The following USP54 variants were observed in gnomAD, a reference collection of about 807,000 sequenced individuals.
USP54 encodes ubiquitin carboxyl-terminal hydrolase 54.
A neutral mutation model predicts 170.5 loss-of-function variants in USP54; 87 were observed. That is an observed-to-expected ratio of 0.51 (90% CI 0.43 to 0.61). The LOEUF (loss-of-function observed/expected upper bound fraction) is 0.61. Ranked by LOEUF, USP54 falls within the 20% of genes least tolerant of loss-of-function variation. USP54 has a pLI of 0.00. For synonymous variants in USP54, 655 were observed against 742.8 expected, an observed-to-expected ratio of 0.88 and a Z score of 1.92; for missense variants, 1,786 against 2,047.8, an observed-to-expected ratio of 0.87 and a Z score of 2.47.
chr10:73,530,718 C>A lies in USP54; in HGVS notation c.1433G>T (p.Gly478Val). 6.2e-7 allele frequency: 1 copy of A among 1,614,152 alleles called. No individual in the cohort carries two copies. ...RRKGDEPQAS[G>V]YHSEGETLKE... ...GAAGGGCTTGCCTTCACTGTGGTAT[C>A]CCGAGGCCTGGGGCTCATCGCCTTT... Residue 478 changes from glycine (G) to valine (V), a missense_variant, in exon 13 of 24, where the codon GGA becomes GTA. By Grantham distance (109) the Gly-to-Val change is moderately radical. This residue lies in a region of USP54 where 1,418 missense variants were observed against 1,569.0 expected (regional missense o/e 0.90). Coordinates refer to ENST00000687698, the MANE Select transcript of USP54 (RefSeq NM_001391956.1).
chr10:73,517,888 G>C, intron 19 of USP54, 141 bp from the exon 20 acceptor site: 1 of 1,134,190 alleles, frequency 8.8e-7, no homozygotes, highest in Admixed American at 2.8e-5. Context: ...CACAAGTAGA[G>C]TCAGTAGTTC....
At chr10:73,567,330 T>C (rs528989454) in intron 4 of USP54, among the ~76,000 whole-genome samples, 4 of 152,246 alleles carry the variant, frequency 2.6e-5, no homozygotes, top group African/African-American at 7.2e-5. Flanking sequence ...TTTGTTGCTA[T>C]TATAAAATGC....
At chr10:73,560,779 G>A (rs2072741076) in intron 4 of USP54, among the ~76,000 whole-genome samples, 1 of 150,606 alleles carries the variant, frequency 6.6e-6, no homozygotes, top group Admixed American at 6.6e-5. Flanking sequence ...AAAAATGGAA[G>A]GCAACTACCA....
intron 1 of USP54, among the ~76,000 whole-genome samples, chr10:73,583,942 C>T (rs577761720): frequency 7.0e-4 from 107 of 151,926 alleles, no homozygotes; most frequent in African/African-American, 6.5e-4. Context: ...ACTATTTTTC[C>T]AACTTTTCTA....
At chr10:73,606,175 CAAAAAAAAA>C (rs1178699732) in intron 1 of USP54, among the ~76,000 whole-genome samples, 36 of 25,620 alleles carry the variant, frequency 1.4e-3, no homozygotes, top group East Asian at 9.8e-3. Context: ...GAGGCTGTCT[CAAAAAAAAA>C]AAAAAAAAAA....
At chr10:73,539,679 A>T in intron 9 of USP54, 86 bp from the exon 10 acceptor site, 1 of 1,411,184 alleles carries the variant, frequency 7.1e-7, no homozygotes, top group South Asian at 1.6e-5. Flanking sequence ...AGCATTTCTT[A>T]AGTAAGGTAC....
intron 12 of USP54, among the ~76,000 whole-genome samples, chr10:73,531,389 C>A (rs1214850952): frequency 6.6e-6 from 1 of 152,104 alleles, no homozygotes; most frequent in Non-Finnish European, 1.5e-5. Flanking sequence ...TAATCTTCCC[C>A]AGTGACCCAG....
At chr10:73,542,763 G>C in intron 7 of USP54, 40 bp downstream of exon 7, 1 of 1,574,152 alleles carries the variant, frequency 6.4e-7, no homozygotes, top group Non-Finnish European at 8.6e-7. Flanking sequence ...TCAACTGGAG[G>C]AATGCCTAAA....
At position 73,519,856 on chromosome 10, in the gene USP54, C is replaced by T. The variant is rs554921572; in HGVS notation, c.2619G>A (p.Gln873=). The T allele has an allele frequency of 6.2e-7, 1 of 1,614,126 alleles. No individual in the cohort carries two copies. Among genetic ancestry groups the T allele is most frequent in the South Asian group, 1.1e-5 (1 of 91,080 alleles). ...DRMQQQQSPQ[Q]PSQPSACLPT... is the part of the protein sequence containing the mutation. ...GGAGGCAGGCTGAGGGCTGCGACGG[C>T]TGCTGTGGTGATTGCTGCTGCTGCA... is the stretch of plus-strand genomic sequence containing the variant. Residue 873 remains glutamine, a synonymous_variant, in exon 19 of 24, where the codon CAG becomes CAA. Coordinates refer to ENST00000687698, the MANE Select transcript of USP54 (RefSeq NM_001391956.1).
chr10:73,612,193 A>G (rs2080204199), intron 1 of USP54, among the ~76,000 whole-genome samples: 2 of 152,352 alleles, frequency 1.3e-5, no homozygotes, highest in South Asian at 4.1e-4. Flanking sequence ...ATTTACATAT[A>G]CTATTGAGGA....
upstream of USP54, among the ~76,000 whole-genome samples, chr10:73,595,939 C>T (rs116771897): frequency 0.015 from 2,271 of 150,012 alleles, 65 homozygotes; most frequent in African/African-American, 0.053. Flanking sequence ...GTGAAAAACC[C>T]GTCTTGACTA....
intron 4 of USP54, among the ~76,000 whole-genome samples, chr10:73,558,964 T>G (rs960144374): frequency 6.6e-6 from 1 of 152,190 alleles, no homozygotes; most frequent in Non-Finnish European, 1.5e-5. Context: ...CATGGTTTGT[T>G]TTTTCAAATT....
chr10:73,581,885 G>A (rs1178404882), intron 1 of USP54, among the ~76,000 whole-genome samples: 5 of 152,174 alleles, frequency 3.3e-5, no homozygotes, highest in African/African-American at 1.2e-4. Context: ...GATTAAGGTT[G>A]CCAGAATTAA....
chr10:73,569,292 A>G (rs1296984442), intron 4 of USP54, among the ~76,000 whole-genome samples: 1 of 152,100 alleles, frequency 6.6e-6, no homozygotes, highest in East Asian at 1.9e-4. Context: ...GGACTACTGT[A>G]TTTCTTGTTT....
At chr10:73,564,128 A>G (rs1302562440) in intron 4 of USP54, among the ~76,000 whole-genome samples, 1 of 152,018 alleles carries the variant, frequency 6.6e-6, no homozygotes, top group Non-Finnish European at 1.5e-5. Flanking sequence ...CAGCCTCCCA[A>G]GTAGCTGGGC....
chr10:73,594,395 T>G (rs558134279), upstream of USP54, among the ~76,000 whole-genome samples: 1 of 150,894 alleles, frequency 6.6e-6, no homozygotes, highest in Non-Finnish European at 1.5e-5. Context: ...GATTTTAGAA[T>G]GTAGTGACAA....
rs4619071 is a variant in USP54, at chr10:73,516,735, C to T, written c.3691G>A (p.Asp1231Asn). Reference sequence around the variant, plus strand: ...TGGGACAGCTTCTCTTGGTATATGTCTGGCTCTGCCAACCTGGGCTGTCCT... The same window carrying T: ...TGGGACAGCTTCTCTTGGTATATGTTTGGCTCTGCCAACCTGGGCTGTCCT... Reference protein sequence around the residue: ...SGGQPRLAEPDIYQEKLSQVR... With the variant: ...SGGQPRLAEPNIYQEKLSQVR... Residue 1231 changes from aspartate (D) to asparagine (N), a missense_variant, in exon 20 of 24, where the codon GAC becomes AAC. Around this residue, in one of 3 missense-constraint regions of USP54, gnomAD observed 1,418 missense variants for 1,569.0 expected, o/e 0.90. Transcript: ENST00000687698. 1,032 of 1,614,200 alleles carry T rather than the reference C, an allele frequency of 6.4e-4. 9 individuals carry two copies. In the African/African-American group the frequency reaches 0.012, roughly 19 times the overall value.
chr10:73,558,048 G>T (rs1463778243), intron 4 of USP54, among the ~76,000 whole-genome samples: 6 of 150,866 alleles, frequency 4.0e-5, no homozygotes, highest in African/African-American at 1.5e-4. Flanking sequence ...ACACCCAGTT[G>T]ATTTTTGTAT....
At chr10:73,513,208 A>G (rs2060491755) in intron 20 of USP54, 1 of 152,322 alleles carries the variant, frequency 6.6e-6, no homozygotes, top group South Asian at 2.1e-4. Flanking sequence ...CTCACTTTAT[A>G]GTCCCAGCAC....
Sources: allele counts gnomAD v4.1 joint callset (sites outside exome capture counted in the v4.1 genomes callset), GRCh38; gene constraint gnomAD v4.1.1; regional missense constraint gnomAD v4.1.1; transcripts MANE v1.5; gene names NCBI Gene and HGNC (gene_info 2026-07-23, HGNC 2026-07-21).